CBFA2T2: variants seen among roughly 807,000 people sequenced by gnomAD.
CBFA2T2 encodes CBFA2/RUNX1 partner transcriptional co-repressor 2, also known as protein CBFA2T2.
Under a neutral mutation model 62.2 loss-of-function variants are expected in CBFA2T2, and 11 were observed. The ratio of observed to expected loss-of-function variants is 0.18; its 90% CI spans 0.11 to 0.29. CBFA2T2 has a LOEUF of 0.29. Among genes scored for constraint, CBFA2T2 ranks in the 10% least tolerant of loss-of-function variants. The pLI, the probability that CBFA2T2 is intolerant of heterozygous loss-of-function variation, is 1.00. For missense variants in CBFA2T2, 592 were observed against 774.1 expected (o/e 0.76, Z 2.79); for synonymous variants, 295 against 287.5 (o/e 1.03, Z -0.27).
intron 1 of CBFA2T2, among the ~76,000 whole-genome samples, chr20:33,510,214 GTT>G (rs555466860): frequency 3.6e-5 from 5 of 140,812 alleles, no homozygotes; most frequent in Admixed American, 1.4e-4. Context: ...TTTTTTTCTT[GTT>G]TTTTTTTTTT....
intron 10 of CBFA2T2, among the ~76,000 whole-genome samples, chr20:33,640,798 A>T (rs2016807620): frequency 6.6e-6 from 1 of 152,196 alleles, no homozygotes; most frequent in South Asian, 2.1e-4. Context: ...GTAAATTTTG[A>T]GAATTCACCC....
chr20:33,546,928 C>T (rs1327288616), intron 1 of CBFA2T2, among the ~76,000 whole-genome samples: 1 of 152,144 alleles, frequency 6.6e-6, no homozygotes, highest in African/African-American at 2.4e-5. Context: ...GTGCCAGGCT[C>T]AGTGGCTCAT....
At chr20:33,532,202 GT>G (rs1225472836) in intron 1 of CBFA2T2, among the ~76,000 whole-genome samples, 1 of 152,140 alleles carries the variant, frequency 6.6e-6, no homozygotes, top group East Asian at 1.9e-4. Flanking sequence ...AGAACACTGC[GT>G]TTAGGCTAGT....
chr20:33,618,459 A>T (rs1271292119), intron 3 of CBFA2T2: 1 of 152,212 alleles, frequency 6.6e-6, no homozygotes, highest in Non-Finnish European at 1.5e-5. Context: ...AGAGTTGCTG[A>T]GTCTCATTCC....
chr20:33,527,240 C>T (rs1459773423), intron 1 of CBFA2T2, among the ~76,000 whole-genome samples: 2 of 152,082 alleles, frequency 1.3e-5, no homozygotes, highest in African/African-American at 2.4e-5. Context: ...CTCACTACAT[C>T]ACCCAGGCTG....
intron 1 of CBFA2T2, chr20:33,562,784 T>A (rs2013137552): frequency 1.7e-6 from 1 of 585,892 alleles, no homozygotes; most frequent in Admixed American, 6.3e-5. Flanking sequence ...TGGTATTTGA[T>A]ACAAGAGTTC....
At chr20:33,615,009 T>C (rs1198920642) in intron 3 of CBFA2T2, among the ~76,000 whole-genome samples, 1 of 152,212 alleles carries the variant, frequency 6.6e-6, no homozygotes, top group Non-Finnish European at 1.5e-5. Flanking sequence ...TGAACATTCT[T>C]TTACACGTGT....
chr20:33,519,549 A>G (rs1301242995), intron 1 of CBFA2T2, among the ~76,000 whole-genome samples: 1 of 152,192 alleles, frequency 6.6e-6, no homozygotes, highest in Admixed American at 6.5e-5. Context: ...ATTTTACGTA[A>G]GAGACTTGAG....
intron 1 of CBFA2T2, among the ~76,000 whole-genome samples, chr20:33,551,838 A>G (rs2012751261): frequency 6.6e-6 from 1 of 152,108 alleles, no homozygotes; most frequent in Non-Finnish European, 1.5e-5. Flanking sequence ...GGCCTGTTCC[A>G]TCAACTTTTA....
chr20:33,627,225 G>A (rs757321979), intron 6 of CBFA2T2, among the ~76,000 whole-genome samples: 25 of 152,072 alleles, frequency 1.6e-4, no homozygotes, highest in Non-Finnish European at 3.1e-4. Flanking sequence ...GTAAAACCCC[G>A]TCTCTACTAA....
intron 1 of CBFA2T2, among the ~76,000 whole-genome samples, chr20:33,554,774 A>G (rs1023895301): frequency 1.7e-4 from 26 of 151,736 alleles, no homozygotes; most frequent in African/African-American, 6.3e-4. Context: ...TTTATGTGCT[A>G]GATGAGAGAT....
At chr20:33,529,099 C>A (rs1213127882) in intron 1 of CBFA2T2, among the ~76,000 whole-genome samples, 1 of 152,078 alleles carries the variant, frequency 6.6e-6, no homozygotes, top group Non-Finnish European at 1.5e-5. Flanking sequence ...AATCTCAGTT[C>A]ACTGCAAGCT....
At chr20:33,543,381 T>A (rs1272535237) in intron 1 of CBFA2T2, among the ~76,000 whole-genome samples, 3 of 152,220 alleles carry the variant, frequency 2.0e-5, no homozygotes, top group African/African-American at 7.2e-5. Context: ...AGTAGATACT[T>A]AAAGATTTTC....
chr20:33,504,001 T>G (rs1796135028), intron 1 of CBFA2T2, among the ~76,000 whole-genome samples: 1 of 152,182 alleles, frequency 6.6e-6, no homozygotes, highest in East Asian at 1.9e-4. Context: ...CACCCCTTTC[T>G]TTTCACCTCG....
chr20:33,606,054 G>T (rs1028970308), intron 1 of CBFA2T2, among the ~76,000 whole-genome samples: 7 of 151,986 alleles, frequency 4.6e-5, no homozygotes, highest in Non-Finnish European at 1.0e-4. Flanking sequence ...CCTGACCTTA[G>T]GTGATCCACC....
In CBFA2T2 at chr20:33,523,287, T is replaced by A. The variant is rs368968834; in HGVS notation, c.34+32986T>A. Reference sequence around the variant, plus strand: ...GGCTTTATTTTTTATTTATTTATTTTTTTTTATATTTTGAGACAGTCTTGC... The same window carrying A: ...GGCTTTATTTTTTATTTATTTATTTATTTTTATATTTTGAGACAGTCTTGC... On this transcript the variant is annotated intron_variant, in intron 1 of 10. Coordinates refer to ENST00000342704, the MANE Select transcript of CBFA2T2 (RefSeq NM_001032999.3). 3.2e-4 allele frequency among the ~76,000 whole-genome samples: 48 copies of A among 152,218 alleles called. 1 individual carries two copies. The highest frequency in any genetic ancestry group is 1.0e-3 in the South Asian group (5 of 4,824).
chr20:33,505,792 A>T (rs575098241), intron 1 of CBFA2T2, among the ~76,000 whole-genome samples: 4 of 151,954 alleles, frequency 2.6e-5, no homozygotes, highest in African/African-American at 9.7e-5. Context: ...CAAAAAAAAA[A>T]AGAAAGAAAT....
At chr20:33,561,690 CTTATA>C (rs1210371991) in intron 1 of CBFA2T2, among the ~76,000 whole-genome samples, 1 of 152,148 alleles carries the variant, frequency 6.6e-6, no homozygotes, top group Non-Finnish European at 1.5e-5. Flanking sequence ...ATTGTTGACA[CTTATA>C]TTAGCAGTTA....
At chr20:33,505,933 G>T (rs1040690133) in intron 1 of CBFA2T2, among the ~76,000 whole-genome samples, 19 of 149,216 alleles carry the variant, frequency 1.3e-4, no homozygotes, top group African/African-American at 4.7e-4. Context: ...TCTACTATAA[G>T]TATGAAAATT....
Sources: gnomAD v4.1 joint callset for allele counts (sites outside exome capture counted in the v4.1 genomes callset) on GRCh38, gnomAD v4.1.1 for gene constraint, MANE v1.5 for transcripts, NCBI Gene and HGNC (gene_info 2026-07-23, HGNC 2026-07-21) for gene names.